Variants in TOM1L1 observed in about 807,000 individuals in gnomAD.
TOM1L1 encodes target of myb1 like 1 membrane trafficking protein, also known as TOM1-like protein 1.
A neutral mutation model predicts 63.4 loss-of-function variants in TOM1L1; 64 were observed. That is an observed-to-expected ratio of 1.01 (90% CI 0.83 to 1.24). The LOEUF (loss-of-function observed/expected upper bound fraction) is 1.24. TOM1L1 is among the 50% of genes most tolerant of loss of function. The pLI, the probability that TOM1L1 is intolerant of heterozygous loss-of-function variation, is 0.00. For missense variants in TOM1L1, 536 were observed against 567.0 expected, an observed-to-expected ratio of 0.95 and a Z score of 0.55; for synonymous variants, 166 against 194.4, an observed-to-expected ratio of 0.85 and a Z score of 1.22.
intron 7 of TOM1L1, chr17:54,917,126 T>A (rs1163853353): frequency 6.6e-6 from 1 of 152,220 alleles, no homozygotes; most frequent in Non-Finnish European, 1.5e-5. Flanking sequence ...TGTGTGCAGA[T>A]GTTTGTTTAA....
intron 11 of TOM1L1, among the ~76,000 whole-genome samples, chr17:54,941,020 C>G (rs1052468818): frequency 1.3e-5 from 2 of 152,178 alleles, no homozygotes; most frequent in Admixed American, 6.5e-5. Flanking sequence ...CATCCTCCCT[C>G]TCTCCTTTTC....
Position 54,949,473 on chromosome 17 carries a change from CT to C in TOM1L1, c.1183-43del, listed in dbSNP as rs763145249. On this transcript the variant is annotated intron_variant, in intron 12 of 15. Transcript: ENST00000575882. Reference sequence around the variant, plus strand: ...AGGAGTCTCAGTAATAAAAGAAAAGCTTAATGTAGAACGTTTATATGAACAT... The same window carrying C: ...AGGAGTCTCAGTAATAAAAGAAAAGCTAATGTAGAACGTTTATATGAACAT... 22 of 1,420,040 alleles carry C rather than the reference CT, an allele frequency of 1.5e-5. No homozygotes were observed. In the South Asian group the frequency reaches 2.5e-4, roughly 16 times the overall value. 88.0% of individuals were successfully genotyped at this position (1,420,040 alleles called of 1,614,324 possible). A position where few individuals can be genotyped will look rare whatever the true frequency, so the allele number is the denominator to read the frequency against.
chr17:54,903,608 C>A, intron 1 of TOM1L1, 100 bp from the exon 2 acceptor site: 1 of 1,075,896 alleles, frequency 9.3e-7, no homozygotes, highest in Non-Finnish European at 1.4e-6. Flanking sequence ...GCAATGTAAA[C>A]TTAATGACAC....
intron 7 of TOM1L1, chr17:54,916,679 A>G (rs1175702821): frequency 1.3e-5 from 2 of 152,166 alleles, no homozygotes; most frequent in Admixed American, 1.3e-4. Flanking sequence ...TTTTCCTTTA[A>G]CTTCTTAGAT....
At chr17:54,961,076 T>C in intron 15 of TOM1L1, 159 bp from the exon 16 acceptor site, 1 of 631,910 alleles carries the variant, frequency 1.6e-6, no homozygotes, top group East Asian at 2.8e-5. Flanking sequence ...AAAACTTATT[T>C]ATTCCCCTTA....
intron 4 of TOM1L1, among the ~76,000 whole-genome samples, 194 bp from the exon 5 acceptor site, chr17:54,913,554 T>TA (rs1349772201): frequency 6.6e-6 from 1 of 150,972 alleles, no homozygotes; most frequent in Admixed American, 6.7e-5. Flanking sequence ...TAATCCCAGC[T>TA]ACTCAGGAGG....
At chr17:54,930,246 C>A in intron 8 of TOM1L1, 40 bp downstream of exon 8, 1 of 1,611,276 alleles carries the variant, frequency 6.2e-7, no homozygotes, top group South Asian at 1.1e-5. Context: ...TCTTCCATTT[C>A]TACTTTCACC....
In TOM1L1 at chr17:54,926,765, A is replaced by G. The variant is rs6504946; in HGVS notation, c.721-3308A>G. On this transcript the variant is annotated intron_variant, in intron 7 of 15. Transcript: ENST00000575882. ...AAGGACTGTCAGCATCTTTGAGTCC[A>G]TCTCCCTTTCTTTGCAGTTGAGGCT... Among the ~76,000 whole-genome samples, 802 of 152,360 alleles carry G rather than the reference A, an allele frequency of 5.3e-3. 8 individuals carry two copies. Among genetic ancestry groups the G allele is most frequent in the African/African-American group, 0.018 (756 of 41,586 alleles).
intron 9 of TOM1L1, 150 bp downstream of exon 9, chr17:54,936,859 T>C (rs545871022): frequency 3.1e-5 from 20 of 647,272 alleles, no homozygotes; most frequent in Non-Finnish European, 5.0e-5. Context: ...CTTGCCTTAA[T>C]AACTTAATGT....
intron 3 of TOM1L1, among the ~76,000 whole-genome samples, chr17:54,907,575 A>G (rs576359001): frequency 1.3e-5 from 2 of 152,142 alleles, no homozygotes; most frequent in Admixed American, 1.3e-4. Flanking sequence ...TCAGATGTTG[A>G]CTGGATTAAT....
intron 4 of TOM1L1, 47 bp from the exon 5 acceptor site, chr17:54,913,701 T>C (rs2048535122): frequency 6.5e-7 from 1 of 1,547,514 alleles, no homozygotes; most frequent in African/African-American, 1.4e-5. Context: ...GTGTTTTGGT[T>C]TTGTTGCTGT....
chr17:54,941,289 CT>C (rs2049029112), intron 11 of TOM1L1, among the ~76,000 whole-genome samples: 1 of 151,996 alleles, frequency 6.6e-6, no homozygotes, highest in Admixed American at 6.6e-5. Context: ...CACTGAATTA[CT>C]TTTCTATATT....
At chr17:54,925,497 G>A (rs141946012) in intron 7 of TOM1L1, among the ~76,000 whole-genome samples, 11 of 152,274 alleles carry the variant, frequency 7.2e-5, no homozygotes, top group Non-Finnish European at 1.6e-4. Context: ...GGATCTGGAG[G>A]GCCAAGGAAA....
Position 54,914,879 on chromosome 17 carries a change from G to A in TOM1L1, c.603+136G>A. The A allele has an allele frequency of 5.5e-6, 4 of 721,392 alleles. No individual in the cohort carries two copies. The South Asian group carries it at 6.4e-5, about 12-fold the overall frequency. 44.7% of individuals were successfully genotyped at this position (721,392 alleles called of 1,614,324 possible). ...TCACAGAGGAAGAGACTGAGGCTTA[G>A]TAATACTATGTGACTTACCATAGTT... On this transcript the variant is annotated intron_variant, in intron 6 of 15. Transcript: ENST00000575882.
At chr17:54,925,008 A>G (rs2048745174) in intron 7 of TOM1L1, among the ~76,000 whole-genome samples, 1 of 152,132 alleles carries the variant, frequency 6.6e-6, no homozygotes, top group Non-Finnish European at 1.5e-5. Context: ...CCCTTGACCT[A>G]TTTGTGCCTA....
At chr17:54,920,197 A>G (rs2048661193) in intron 7 of TOM1L1, among the ~76,000 whole-genome samples, 1 of 152,116 alleles carries the variant, frequency 6.6e-6, no homozygotes, top group Admixed American at 6.6e-5. Flanking sequence ...GCTTCAGCAT[A>G]AGCCTAGGGA....
chr17:54,910,320 G>A (rs866601818), intron 3 of TOM1L1, among the ~76,000 whole-genome samples: 13 of 152,262 alleles, frequency 8.5e-5, no homozygotes, highest in African/African-American at 2.9e-4. Flanking sequence ...GCTGGGCATG[G>A]TGGTGCACGC....
At position 54,901,500 on chromosome 17, in the gene TOM1L1, GTC is replaced by G. The variant is rs138841805; in HGVS notation, c.58+582_58+583del. ...ATAGGAGCCATCTGGGGCCACGGAG[GTC>G]TCTCGCAGGCCACTAGGGACTACAC... On this transcript the variant is annotated intron_variant, in intron 1 of 15. Transcript: ENST00000575882. 2.7e-4 allele frequency among the ~76,000 whole-genome samples: 41 copies of G among 152,102 alleles called. No homozygotes were observed. In the East Asian group the frequency reaches 3.3e-3, roughly 12 times the overall value.
chr17:54,932,293 T>C (rs1268139254), intron 8 of TOM1L1, among the ~76,000 whole-genome samples: 1 of 152,178 alleles, frequency 6.6e-6, no homozygotes, highest in Non-Finnish European at 1.5e-5. Context: ...AGAGGCTGCA[T>C]GCACTGGTAA....
Sources: gnomAD v4.1 joint callset for allele counts (sites outside exome capture counted in the v4.1 genomes callset) on GRCh38, gnomAD v4.1.1 for gene constraint, MANE v1.5 for transcripts, NCBI Gene and HGNC (gene_info 2026-07-23, HGNC 2026-07-21) for gene names.